The following ME3 variants were observed in gnomAD, a reference collection of about 807,000 sequenced individuals.
The protein encoded by ME3 is malic enzyme 3.
In ME3, 48 loss-of-function variants were observed where a neutral mutation model predicts 68.9. That is an observed-to-expected ratio of 0.70 (90% CI 0.55 to 0.89). The LOEUF is 0.89. ME3 is among the 40% of genes least tolerant of loss of function. The pLI, the probability that ME3 is intolerant of heterozygous loss-of-function variation, is 0.00. For synonymous variants in ME3, 320 were observed against 318.8 expected (o/e 1.00, Z -0.04); for missense variants, 675 against 797.4 (o/e 0.85, Z 1.85).
At chr11:86,480,368 C>T (rs1951329168) in intron 7 of ME3, among the ~76,000 whole-genome samples, 1 of 152,162 alleles carries the variant, frequency 6.6e-6, no homozygotes, top group Admixed American at 6.5e-5. Flanking sequence ...ATAAGTATAC[C>T]CTTTCCAGTT....
At chr11:86,457,430 C>T (rs1457848924) in intron 8 of ME3, 1 of 918,956 alleles carries the variant, frequency 1.1e-6, no homozygotes, top group African/African-American at 1.8e-5. Context: ...CAGCCTTCTT[C>T]TTTCTTGACC....
chr11:86,513,833 T>C (rs547487452), intron 4 of ME3, among the ~76,000 whole-genome samples: 1 of 152,008 alleles, frequency 6.6e-6, no homozygotes, highest in Non-Finnish European at 1.5e-5. Flanking sequence ...TTCAATGACC[T>C]CAGCAATGTA....
At chr11:86,599,979 A>G (rs902677131) in intron 2 of ME3, among the ~76,000 whole-genome samples, 5 of 152,250 alleles carry the variant, frequency 3.3e-5, no homozygotes, top group African/African-American at 1.2e-4. Context: ...AACTGGTACC[A>G]GCCACTGCAA....
Position 86,661,367 on chromosome 11 carries a change from AC to A in ME3, c.183+10394del, listed in dbSNP as rs561005582. Among the ~76,000 whole-genome samples the A allele has an allele frequency of 7.5e-4, 115 of 152,322 alleles. 1 individual carries two copies. The highest frequency in any genetic ancestry group is 2.7e-3 in the African/African-American group (114 of 41,556). On this transcript the variant is annotated intron_variant, in intron 2 of 14. Coordinates refer to ENST00000543262, the Ensembl canonical transcript of ME3. ...TAAGTGGATCCGGTATGGATGGGGCACCCAGGCATTGTGCAACACAAAAGTG... is the reference window on the plus strand; with the variant it reads ...TAAGTGGATCCGGTATGGATGGGGCACCAGGCATTGTGCAACACAAAAGTG...
chr11:86,614,154 A>T (rs145543706), intron 2 of ME3, among the ~76,000 whole-genome samples: 5 of 152,312 alleles, frequency 3.3e-5, no homozygotes, highest in Admixed American at 6.5e-5. Flanking sequence ...AGAATCTCAC[A>T]TCATCTTCCC....
At chr11:86,529,802 T>G (rs12801189) in intron 4 of ME3, among the ~76,000 whole-genome samples, 1 of 151,896 alleles carries the variant, frequency 6.6e-6, no homozygotes, top group East Asian at 1.9e-4. Flanking sequence ...CAAAATTAAA[T>G]AACCCTTCAT....
At chr11:86,550,525 G>T (rs1956612269) in intron 4 of ME3, among the ~76,000 whole-genome samples, 1 of 152,220 alleles carries the variant, frequency 6.6e-6, no homozygotes, top group Non-Finnish European at 1.5e-5. Flanking sequence ...TGCAGACCTT[G>T]TACACAGTCT....
In ME3 at chr11:86,450,407, G is replaced by A; in HGVS notation, c.920-9C>T. The A allele has an allele frequency of 6.2e-7, 1 of 1,612,358 alleles. No individual in the cohort carries two copies. Among genetic ancestry groups the A allele is most frequent in the South Asian group, 1.1e-5 (1 of 90,942 alleles). On this transcript the variant is annotated splice_polypyrimidine_tract_variant and intron_variant, in intron 8 of 14. Coordinates refer to ENST00000543262, the Ensembl canonical transcript of ME3. ...AGCAACGGAGGCTGTGCCTGAAACA[G>A]AGTGGCCTGAGATCAACCTCTGGCC... is the stretch of plus-strand genomic sequence containing the variant.
intron 7 of ME3, among the ~76,000 whole-genome samples, chr11:86,477,080 A>T (rs1951120466): frequency 6.6e-6 from 1 of 152,204 alleles, no homozygotes; most frequent in African/African-American, 2.4e-5. Flanking sequence ...TATGTTAAAC[A>T]TTTTACATGG....
chr11:86,446,684 G>C (rs912125932), intron 12 of ME3, among the ~76,000 whole-genome samples, 197 bp from the exon 13 acceptor site: 2 of 152,218 alleles, frequency 1.3e-5, no homozygotes, highest in African/African-American at 4.8e-5. Flanking sequence ...TTATCTAGCA[G>C]CCAAGAAACT....
chr11:86,470,905 G>A (rs556911671), intron 7 of ME3, among the ~76,000 whole-genome samples: 1 of 152,208 alleles, frequency 6.6e-6, no homozygotes, highest in African/African-American at 2.4e-5. Flanking sequence ...AATCCTAAGA[G>A]GGCTTCCACT....
At chr11:86,503,717 A>G (rs550867869) in intron 5 of ME3, among the ~76,000 whole-genome samples, 19 of 152,240 alleles carry the variant, frequency 1.2e-4, no homozygotes, top group Non-Finnish European at 2.5e-4. Flanking sequence ...GGCACTAGCA[A>G]TCCGCTCTAA....
chr11:86,645,422 C>T (rs1944939653), intron 2 of ME3, among the ~76,000 whole-genome samples: 1 of 152,202 alleles, frequency 6.6e-6, no homozygotes, highest in Non-Finnish European at 1.5e-5. Flanking sequence ...CCGTTTTCCC[C>T]TCACAGTGTA....
At chr11:86,465,256 C>G in intron 7 of ME3, 56 bp from the exon 8 acceptor site, 1 of 1,336,432 alleles carries the variant, frequency 7.5e-7, no homozygotes, top group Non-Finnish European at 1.1e-6. Flanking sequence ...AGATCCCTGA[C>G]AGATCCCAGC....
At chr11:86,534,081 GTATATATATA>G (rs57566563) in intron 4 of ME3, among the ~76,000 whole-genome samples, 58,627 of 127,446 alleles carry the variant, frequency 0.46, 12,199 homozygotes, top group Non-Finnish European at 0.52. Context: ...GTGTGTGTGT[GTATATATATA>G]TATATATATA....
At chr11:86,461,205 C>T (rs894665260) in intron 8 of ME3, among the ~76,000 whole-genome samples, 3 of 152,142 alleles carry the variant, frequency 2.0e-5, no homozygotes, top group Non-Finnish European at 4.4e-5. Flanking sequence ...AATGGGGTTC[C>T]AGTTCCAGCT....
intron 2 of ME3, among the ~76,000 whole-genome samples, chr11:86,633,338 T>C (rs1274575595): frequency 6.6e-6 from 1 of 152,244 alleles, no homozygotes; most frequent in Non-Finnish European, 1.5e-5. Context: ...AGGGGTGCTA[T>C]TATTAACCCT....
chr11:86,580,953 C>T (rs1958409516), intron 2 of ME3, among the ~76,000 whole-genome samples: 1 of 152,106 alleles, frequency 6.6e-6, no homozygotes, highest in Admixed American at 6.5e-5. Flanking sequence ...CCTTGGATAC[C>T]TTCTCTAGAG....
intron 7 of ME3, among the ~76,000 whole-genome samples, chr11:86,472,677 G>C (rs187611355): frequency 2.0e-5 from 3 of 152,202 alleles, no homozygotes; most frequent in African/African-American, 7.2e-5. Context: ...GATAATAGTG[G>C]GCTAATAATA....
Sources: gnomAD v4.1 joint callset for allele counts (sites outside exome capture counted in the v4.1 genomes callset) on GRCh38, gnomAD v4.1.1 for gene constraint, MANE v1.5 for transcripts, NCBI Gene and HGNC (gene_info 2026-07-23, HGNC 2026-07-21) for gene names.